Variants in SPTLC3 observed in about 807,000 individuals in gnomAD.
The protein encoded by SPTLC3 is serine palmitoyltransferase 3.
A neutral mutation model predicts 59.3 loss-of-function variants in SPTLC3; 36 were observed. The ratio of observed to expected loss-of-function variants is 0.61; its 90% CI spans 0.47 to 0.80. The LOEUF (loss-of-function observed/expected upper bound fraction) is 0.80. Ranked by LOEUF, SPTLC3 falls within the 30% of genes least tolerant of loss-of-function variation. The probability of loss-of-function intolerance (pLI) is 0.00; values close to 1 mark genes in which losing one functional copy is unlikely to be tolerated. For missense variants in SPTLC3, 625 were observed against 685.1 expected (o/e 0.91, Z 0.98); for synonymous variants, 257 against 240.8 (o/e 1.07, Z -0.62).
intron 4 of SPTLC3, among the ~76,000 whole-genome samples, chr20:13,082,359 A>G (rs1306772822): frequency 6.6e-6 from 1 of 152,224 alleles, no homozygotes; most frequent in East Asian, 1.9e-4. Context: ...GTACTGCCCT[A>G]TACTGCTCAT....
intron 6 of SPTLC3, among the ~76,000 whole-genome samples, chr20:13,106,790 C>A (rs1348590809): frequency 6.6e-6 from 1 of 152,224 alleles, no homozygotes; most frequent in Admixed American, 6.5e-5. Flanking sequence ...TTTCCTGTCA[C>A]TAGCAGAAGC....
At chr20:13,065,435 T>C (rs1988166044) in intron 2 of SPTLC3, among the ~76,000 whole-genome samples, 1 of 151,854 alleles carries the variant, frequency 6.6e-6, no homozygotes, top group African/African-American at 2.4e-5. Flanking sequence ...GCCATCTCTT[T>C]CTTTTATCTT....
Position 13,142,993 on chromosome 20 carries a change from C to G in SPTLC3, c.1280-11010C>G, listed in dbSNP as rs188122930. On this transcript the variant is annotated intron_variant, in intron 9 of 11. Coordinates refer to ENST00000399002, the MANE Select transcript of SPTLC3 (RefSeq NM_018327.4). ...CTAATCAGGGCTCTCTTAATTAGGA[C>G]TTCATTACTGGTGAACATCTCTGAA... Among the ~76,000 whole-genome samples, 17 of 152,306 alleles carry G rather than the reference C, an allele frequency of 1.1e-4. No homozygotes were observed. The East Asian group carries it at 3.3e-3, about 29-fold the overall frequency.
chr20:13,109,345 T>A (rs1990092514), intron 6 of SPTLC3, among the ~76,000 whole-genome samples: 1 of 152,228 alleles, frequency 6.6e-6, no homozygotes, highest in South Asian at 2.1e-4. Flanking sequence ...AAATGTGGAT[T>A]ACAGTACAGA....
chr20:13,036,764 C>T (rs1010655468), intron 1 of SPTLC3, among the ~76,000 whole-genome samples: 4 of 152,050 alleles, frequency 2.6e-5, no homozygotes, highest in African/African-American at 7.2e-5. Context: ...ATGAGTATAT[C>T]AGTGTGTACT....
chr20:13,126,594 C>T lies in SPTLC3; in HGVS notation c.1156C>T (p.Leu386Phe), dbSNP rs761179561. The T allele has an allele frequency of 8.1e-6, 13 of 1,613,226 alleles. No individual in the cohort carries two copies. The East Asian group carries it at 1.8e-4, about 22-fold the overall frequency. ...GGGTTTCCCCTCTTTATTTAAGGAC[C>T]TCGTGGATTATTTACGGGTTCACTC... ...SGGYIAGRKD[L>F]VDYLRVHSHS... Residue 386 changes from leucine to phenylalanine, a missense_variant, in exon 9 of 12, where the codon CTC (leucine) becomes TTC (phenylalanine). Coordinates refer to ENST00000399002, the MANE Select transcript of SPTLC3 (RefSeq NM_018327.4).
At chr20:13,044,104 C>CT (rs61675971) in intron 1 of SPTLC3, among the ~76,000 whole-genome samples, 2,326 of 127,862 alleles carry the variant, frequency 0.018, 28 homozygotes, top group South Asian at 0.044. Context: ...TCTTTTTTTT[C>CT]TTTTTTTTTT....
intron 2 of SPTLC3, among the ~76,000 whole-genome samples, chr20:13,066,686 A>G (rs1046808399): frequency 6.6e-6 from 1 of 151,812 alleles, no homozygotes; most frequent in Non-Finnish European, 1.5e-5. Context: ...TACCTGATGA[A>G]CTCTTTATAT....
At chr20:13,148,391 A>G (rs1231756078) in intron 9 of SPTLC3, among the ~76,000 whole-genome samples, 1 of 152,204 alleles carries the variant, frequency 6.6e-6, no homozygotes, top group Non-Finnish European at 1.5e-5. Flanking sequence ...CAGCCAAGAT[A>G]GGTACACCCT....
intron 2 of SPTLC3, among the ~76,000 whole-genome samples, chr20:13,060,682 T>C (rs970624257): frequency 1.5e-5 from 2 of 129,380 alleles, no homozygotes; most frequent in Non-Finnish European, 3.1e-5. Context: ...CAGCTCCCAC[T>C]TAGAAGTGAG....
At chr20:13,136,684 G>A (rs1484428770) in intron 9 of SPTLC3, among the ~76,000 whole-genome samples, 1 of 145,372 alleles carries the variant, frequency 6.9e-6, no homozygotes, top group Admixed American at 6.9e-5. Context: ...TACTTATATA[G>A]TATATAAATA....
At chr20:13,054,006 G>T (rs1331278186) in intron 2 of SPTLC3, among the ~76,000 whole-genome samples, 2 of 152,176 alleles carry the variant, frequency 1.3e-5, no homozygotes, top group Non-Finnish European at 2.9e-5. Context: ...ACCTGATTTG[G>T]TGTTTAATGA....
chr20:13,040,367 CTT>C (rs539292521), intron 1 of SPTLC3, among the ~76,000 whole-genome samples: 2 of 146,492 alleles, frequency 1.4e-5, no homozygotes, highest in African/African-American at 2.5e-5. Flanking sequence ...TGTATTTATA[CTT>C]TTTTTTTTTT....
intron 1 of SPTLC3, among the ~76,000 whole-genome samples, chr20:13,014,322 G>A (rs1283433865): frequency 6.6e-6 from 1 of 152,218 alleles, no homozygotes; most frequent in African/African-American, 2.4e-5. Context: ...AGAAGAATGT[G>A]TATCTGACCT....
At chr20:13,142,809 G>A (rs1187265822) in intron 9 of SPTLC3, among the ~76,000 whole-genome samples, 1 of 152,118 alleles carries the variant, frequency 6.6e-6, no homozygotes, top group Non-Finnish European at 1.5e-5. Context: ...GGCTGTCAAT[G>A]GGAACACTCT....
At chr20:13,051,471 C>G (rs1207774060) in intron 2 of SPTLC3, among the ~76,000 whole-genome samples, 1 of 152,176 alleles carries the variant, frequency 6.6e-6, no homozygotes, top group African/African-American at 2.4e-5. Context: ...ATGAGACAGA[C>G]AGCAACACGA....
intron 9 of SPTLC3, among the ~76,000 whole-genome samples, chr20:13,128,014 G>A (rs188195121): frequency 6.6e-6 from 1 of 152,296 alleles, no homozygotes; most frequent in African/African-American, 2.4e-5. Flanking sequence ...ATTCAACCCT[G>A]AGCAAGTTAC....
rs367965147 is a variant in SPTLC3 at position 13,164,811 on chromosome 20, A to T, written c.1603A>T (p.Lys535Ter). ...CTTGCAACTGAAATATTCCCGGCAC[A>T]AGAAGTCAGCACGTCCTGAGCTCTA... ...DLLQLKYSRHKKSARPELYDE... is the reference protein window; with the variant it reads ...DLLQLKYSRH The change falls in exon 12 of 12, where the codon AAG becomes TAG. Residue 535 changes from lysine (K) to a stop codon, truncating the protein, a stop_gained. Transcript: ENST00000399002. LOFTEE classifies it high-confidence loss of function. The T allele has an allele frequency of 9.3e-6, 15 of 1,613,750 alleles. No homozygotes were observed. The African/African-American group carries it at 1.2e-4, about 13-fold the overall frequency.
At chr20:13,063,812 A>G (rs1032451939) in intron 2 of SPTLC3, among the ~76,000 whole-genome samples, 3 of 151,294 alleles carry the variant, frequency 2.0e-5, no homozygotes, top group African/African-American at 7.3e-5. Context: ...CCGCCACCAC[A>G]CCCACTTAAT....
Sources: gnomAD v4.1 joint callset for allele counts (sites outside exome capture counted in the v4.1 genomes callset) on GRCh38, gnomAD v4.1.1 for gene constraint, MANE v1.5 for transcripts, NCBI Gene and HGNC (gene_info 2026-07-23, HGNC 2026-07-21) for gene names.